Variants in CABIN1 observed in about 807,000 individuals in gnomAD.
CABIN1 encodes the protein calcineurin binding protein 1.
Under a neutral mutation model 227.7 loss-of-function variants are expected in CABIN1, and 133 were observed. The observed-to-expected ratio is 0.58, with a 90% confidence interval of 0.51 to 0.67. The LOEUF (loss-of-function observed/expected upper bound fraction) is 0.67. CABIN1 is among the 30% of genes least tolerant of loss of function. CABIN1 has a pLI of 0.00. For synonymous variants in CABIN1, 1,086 were observed against 1,155.1 expected (o/e 0.94, Z 1.21); for missense variants, 2,408 against 2,852.5 (o/e 0.84, Z 3.55).
intron 30 of CABIN1, among the ~76,000 whole-genome samples, chr22:24,164,908 GTGGTTCCCCAGAC>G (rs2046360415): frequency 1.3e-5 from 2 of 152,176 alleles, no homozygotes; most frequent in Admixed American, 1.3e-4. Flanking sequence ...GAAGATAGCT[GTGGTTCCCCAGAC>G]AAAGGCCAGT....
chr22:24,170,220 A>G, intron 33 of CABIN1: 1 of 449,710 alleles, frequency 2.2e-6, no homozygotes. Flanking sequence ...AGAAGATGCC[A>G]CTGTAGGGGC....
chr22:24,027,383 G>A (rs1051371612), intron 1 of CABIN1, among the ~76,000 whole-genome samples: 9 of 152,090 alleles, frequency 5.9e-5, no homozygotes, highest in African/African-American at 1.2e-4. Context: ...TTGCCTTAAC[G>A]TAGTAGCTAG....
Position 24,153,605 on chromosome 22 carries a change from TAGTG to T in CABIN1, c.4747-10792_4747-10789del, listed in dbSNP as rs1191874313. ...GGGGGTGACAGGGTAAGGCTCAGCTTAGTGAGGAACCTCCATGCTCAGGGCCTGA... is the reference window on the plus strand; with the variant it reads ...GGGGGTGACAGGGTAAGGCTCAGCTTAGGAACCTCCATGCTCAGGGCCTGA... On this transcript the variant is annotated intron_variant, in intron 29 of 36. Transcript: ENST00000263119. Among the ~76,000 whole-genome samples the T allele has an allele frequency of 3.3e-5, 5 of 152,178 alleles. No homozygotes were observed. In the East Asian group the frequency reaches 9.7e-4, roughly 29 times the overall value.
At chr22:24,141,733 A>G (rs2044773472) in intron 29 of CABIN1, among the ~76,000 whole-genome samples, 1 of 152,198 alleles carries the variant, frequency 6.6e-6, no homozygotes, top group African/African-American at 2.4e-5. Flanking sequence ...ACCGGTAGCC[A>G]GTCCCCTTTG....
intron 26 of CABIN1, among the ~76,000 whole-genome samples, chr22:24,107,669 A>G (rs2042589285): frequency 6.6e-6 from 1 of 152,210 alleles, no homozygotes; most frequent in Admixed American, 6.5e-5. Flanking sequence ...CAGCATCAAG[A>G]GGGTGTTAGC....
chr22:24,018,532 G>T (rs961590939), intron 1 of CABIN1, among the ~76,000 whole-genome samples: 3 of 152,128 alleles, frequency 2.0e-5, no homozygotes, highest in African/African-American at 7.2e-5. Context: ...TGTTCCAGCA[G>T]TATTTAATAC....
At chr22:24,125,603 ATAG>A (rs1358621528) in intron 28 of CABIN1, among the ~76,000 whole-genome samples, 1 of 152,178 alleles carries the variant, frequency 6.6e-6, no homozygotes, top group African/African-American at 2.4e-5. Context: ...GACCACACAG[ATAG>A]TAGAACCAGG....
intron 1 of CABIN1, among the ~76,000 whole-genome samples, chr22:24,015,989 T>C (rs566393541): frequency 3.3e-5 from 5 of 152,266 alleles, no homozygotes; most frequent in East Asian, 1.9e-4. Context: ...AACATCTTTA[T>C]TGAGATATAA....
intron 1 of CABIN1, among the ~76,000 whole-genome samples, chr22:24,032,521 C>A (rs1419109175): frequency 6.6e-6 from 1 of 152,138 alleles, no homozygotes; most frequent in Admixed American, 6.5e-5. Context: ...ATTTCTGGGT[C>A]ATGTAGTAAT....
At chr22:24,053,055 C>T (rs2038477284) in intron 8 of CABIN1, among the ~76,000 whole-genome samples, 1 of 149,650 alleles carries the variant, frequency 6.7e-6, no homozygotes, top group African/African-American at 2.5e-5. Context: ...AAGCACTGTC[C>T]TTTTTTTTCT....
At chr22:24,053,942 T>G (rs1487032344) in intron 8 of CABIN1, among the ~76,000 whole-genome samples, 6 of 152,076 alleles carry the variant, frequency 3.9e-5, no homozygotes, top group Non-Finnish European at 1.5e-5. Context: ...GGAGCTGGGG[T>G]CTGACTGAGG....
chr22:24,152,120 G>A (rs1286090792), intron 29 of CABIN1, among the ~76,000 whole-genome samples: 1 of 152,234 alleles, frequency 6.6e-6, no homozygotes, highest in Non-Finnish European at 1.5e-5. Context: ...CGTGATCCAG[G>A]CACAGCTGTC....
Position 24,178,271 on chromosome 22 carries a change from G to T in CABIN1, c.*75G>T. On this transcript the variant is annotated 3_prime_UTR_variant, in exon 37 of 37. Transcript: ENST00000263119. ...GAATGCCCCCTGGGCAGGACCCTGG[G>T]CAGGACCAGAGGCCCACATGGATGC... The T allele has an allele frequency of 6.3e-7, 1 of 1,584,804 alleles. No homozygotes were observed. The highest frequency in any genetic ancestry group is 8.6e-7 in the Non-Finnish European group (1 of 1,163,354).
chr22:24,055,245 C>T, intron 9 of CABIN1, 86 bp downstream of exon 9: 1 of 1,472,462 alleles, frequency 6.8e-7, no homozygotes, highest in South Asian at 1.2e-5. Flanking sequence ...GCCCTGCCTC[C>T]CTAGACAGAA....
Position 24,098,128 on chromosome 22 carries a change from A to T in CABIN1, c.4053A>T (p.Thr1351=), listed in dbSNP as rs777874815. Residue 1351 remains threonine (T), a synonymous_variant, in exon 26 of 37, where the codon ACA becomes ACT. Coordinates refer to ENST00000263119, the MANE Select transcript of CABIN1 (RefSeq NM_012295.4). ...CAGGTCTGACATCCCCACCTTACAC[A>T]GCCACTCCGATTGACCACGATTACG... ...SGPGLTSPPY[T]ATPIDHDYVK... is the part of the protein sequence containing the mutation. The T allele has an allele frequency of 6.2e-7, 1 of 1,614,076 alleles. No homozygotes were observed. The highest frequency in any genetic ancestry group is 1.1e-5 in the South Asian group (1 of 91,072).
chr22:24,161,413 A>G (rs772125474), intron 29 of CABIN1, among the ~76,000 whole-genome samples: 3 of 152,148 alleles, frequency 2.0e-5, no homozygotes, highest in Non-Finnish European at 2.9e-5. Flanking sequence ...GAAGACAGCA[A>G]GTGTGCCTGT....
chr22:24,118,116 G>T (rs575779906), intron 27 of CABIN1, among the ~76,000 whole-genome samples: 93 of 152,258 alleles, frequency 6.1e-4, no homozygotes, highest in African/African-American at 1.8e-3. Context: ...GAGGGGAGAT[G>T]CTCTTATGGC....
chr22:24,085,424 G>A (rs528137383), intron 22 of CABIN1, among the ~76,000 whole-genome samples: 6 of 152,322 alleles, frequency 3.9e-5, no homozygotes, highest in African/African-American at 1.4e-4. Flanking sequence ...TGTCCATCTG[G>A]ACCCTGGTGT....
chr22:24,063,277 TA>T, intron 14 of CABIN1, 131 bp downstream of exon 14: 6 of 923,932 alleles, frequency 6.5e-6, no homozygotes, highest in Non-Finnish European at 1.0e-5. Flanking sequence ...TGTACATGCA[TA>T]GCACCTGCCC....
Sources: gnomAD v4.1 joint callset for allele counts (sites outside exome capture counted in the v4.1 genomes callset) on GRCh38, gnomAD v4.1.1 for gene constraint, MANE v1.5 for transcripts, NCBI Gene and HGNC (gene_info 2026-07-23, HGNC 2026-07-21) for gene names.